COMMD10: variants seen among roughly 807,000 people sequenced by gnomAD.
COMMD10 encodes the protein COMM domain-containing protein 10.
In COMMD10, 33 loss-of-function variants were observed where a neutral mutation model predicts 28.9. The ratio of observed to expected loss-of-function variants is 1.14; its 90% CI spans 0.87 to 1.53. The LOEUF (loss-of-function observed/expected upper bound fraction) is 1.53. COMMD10 is among the 40% of genes most tolerant of loss of function. The pLI is 0.00. For synonymous variants in COMMD10, 110 were observed against 81.7 expected, an observed-to-expected ratio of 1.35 and a Z score of -1.87; for missense variants, 310 against 233.4, an observed-to-expected ratio of 1.33 and a Z score of -2.14.
intron 5 of COMMD10, among the ~76,000 whole-genome samples, chr5:116,191,491 G>A (rs1447448931): frequency 1.3e-5 from 2 of 151,914 alleles, no homozygotes; most frequent in African/African-American, 2.4e-5. Flanking sequence ...GTTTGCATAA[G>A]AGCTGGGTGA....
At chr5:116,201,403 T>A (rs1001946870) in intron 5 of COMMD10, among the ~76,000 whole-genome samples, 87 of 152,270 alleles carry the variant, frequency 5.7e-4, no homozygotes, top group African/African-American at 1.9e-3. Context: ...TTTTTCAGTT[T>A]TTACAGTTGT....
intron 4 of COMMD10, among the ~76,000 whole-genome samples, chr5:116,111,575 T>G (rs1461319392): frequency 1.3e-5 from 2 of 152,194 alleles, no homozygotes; most frequent in Non-Finnish European, 2.9e-5. Flanking sequence ...TTGTATAGTT[T>G]CCAGAGTTTT....
intron 5 of COMMD10, among the ~76,000 whole-genome samples, chr5:116,238,709 T>A (rs912961367): frequency 6.6e-6 from 1 of 152,180 alleles, no homozygotes; most frequent in Admixed American, 6.6e-5. Context: ...GGCAACAAGA[T>A]GAAAATCTCC....
At chr5:116,197,624 C>G (rs1411350278) in intron 5 of COMMD10, among the ~76,000 whole-genome samples, 1 of 152,086 alleles carries the variant, frequency 6.6e-6, no homozygotes, top group Non-Finnish European at 1.5e-5. Flanking sequence ...ACAAGTGATC[C>G]ATCCCCCTCG....
rs188489229 is a variant in COMMD10, at chr5:116,222,814, C to T, written c.511-68703C>T. On this transcript the variant is annotated intron_variant, in intron 5 of 6. Transcript: ENST00000274458. ...TTAAGCGATTCTCCTGCCTCAGCCT[C>T]CCAAGTAGCTGGGACTACAGTTACA... 8.1e-3 allele frequency among the ~76,000 whole-genome samples: 1,233 copies of T among 152,222 alleles called. 22 individuals are homozygous for T. The highest frequency in any genetic ancestry group is 0.028 in the African/African-American group (1,157 of 41,528).
chr5:116,193,282 CAA>C (rs779714829), intron 5 of COMMD10, among the ~76,000 whole-genome samples: 206 of 152,244 alleles, frequency 1.4e-3, no homozygotes, highest in Non-Finnish European at 2.2e-3. Flanking sequence ...ACGCAGGCAA[CAA>C]AGAGCCGGAT....
chr5:116,217,477 C>T (rs1402118246), intron 5 of COMMD10, among the ~76,000 whole-genome samples: 3 of 152,148 alleles, frequency 2.0e-5, no homozygotes, highest in African/African-American at 2.4e-5. Context: ...CCCTGACTAT[C>T]AGGAAGTGAA....
At chr5:116,090,377 A>C (rs899352857) in intron 2 of COMMD10, among the ~76,000 whole-genome samples, 1 of 152,212 alleles carries the variant, frequency 6.6e-6, no homozygotes, top group Non-Finnish European at 1.5e-5. Flanking sequence ...CCAGCGTGCC[A>C]GCGGTTTGCA....
intron 5 of COMMD10, among the ~76,000 whole-genome samples, chr5:116,235,955 C>T (rs959658502): frequency 6.6e-6 from 1 of 152,148 alleles, no homozygotes; most frequent in African/African-American, 2.4e-5. Context: ...CTATAGCATA[C>T]ATACATTATT....
chr5:116,088,267 A>T (rs1750176216), intron 2 of COMMD10, among the ~76,000 whole-genome samples: 2 of 152,226 alleles, frequency 1.3e-5, no homozygotes, highest in South Asian at 4.1e-4. Flanking sequence ...GCCAAGAGCC[A>T]GCCTCAAAAC....
At chr5:116,128,338 C>G (rs548513806) in intron 4 of COMMD10, among the ~76,000 whole-genome samples, 43 of 152,012 alleles carry the variant, frequency 2.8e-4, no homozygotes, top group African/African-American at 1.0e-3. Flanking sequence ...GGTTGAAAAC[C>G]ATTATAAATA....
intron 5 of COMMD10, among the ~76,000 whole-genome samples, chr5:116,170,800 T>C (rs113850612): frequency 0.054 from 8,278 of 152,240 alleles, 321 homozygotes; most frequent in African/African-American, 0.11. Flanking sequence ...AAACTGAAAC[T>C]GGACCCCTTC....
intron 5 of COMMD10, among the ~76,000 whole-genome samples, chr5:116,167,040 A>T (rs1360385725): frequency 3.3e-5 from 5 of 152,084 alleles, no homozygotes; most frequent in Admixed American, 3.3e-4. Context: ...AATGGGTTAT[A>T]ACAAACTTCT....
At chr5:116,237,533 A>G (rs1233921676) in intron 5 of COMMD10, among the ~76,000 whole-genome samples, 4 of 152,122 alleles carry the variant, frequency 2.6e-5, no homozygotes, top group African/African-American at 9.7e-5. Context: ...AAAATTGCCA[A>G]GCGCAATGGC....
chr5:116,177,131 T>C (rs938139626), intron 5 of COMMD10, among the ~76,000 whole-genome samples: 2 of 152,024 alleles, frequency 1.3e-5, no homozygotes, highest in African/African-American at 2.4e-5. Context: ...GATCACGTAC[T>C]ATTGTGTTGG....
intron 5 of COMMD10, among the ~76,000 whole-genome samples, chr5:116,264,535 G>A (rs1366187938): frequency 6.6e-6 from 1 of 151,688 alleles, no homozygotes; most frequent in Non-Finnish European, 1.5e-5. Context: ...TGGATGATGC[G>A]AGCGCATTAA....
Position 116,085,138 on chromosome 5 carries a change from C to G in COMMD10, c.41+45C>G, listed in dbSNP as rs754581352. ...CTTGCGGTAGCCGCGCCCAGGAAGGCCCAGATCGGGCTCGCACAAGGCTGT... is the reference window on the plus strand; with the variant it reads ...CTTGCGGTAGCCGCGCCCAGGAAGGGCCAGATCGGGCTCGCACAAGGCTGT... On this transcript the variant is annotated intron_variant, in intron 1 of 6. Transcript: ENST00000274458. 7 of 1,587,496 alleles carry G rather than the reference C, an allele frequency of 4.4e-6. No homozygotes were observed. The Admixed American group carries it at 5.3e-5, about 12-fold the overall frequency.
rs150473452 is a variant in COMMD10 at position 116,128,969 on chromosome 5, C to A, written c.400-5099C>A. Among the ~76,000 whole-genome samples the A allele has an allele frequency of 1.6e-3, 240 of 151,852 alleles. 2 individuals are homozygous for A. The highest frequency in any genetic ancestry group is 5.4e-3 in the African/African-American group (223 of 41,444). ...ACTTTTTGATAATGTTAATTTTGAT[C>A]CCTTGGGTAAGGTGAGGTTCTCCAC... On this transcript the variant is annotated intron_variant, in intron 4 of 6. Transcript: ENST00000274458.
At chr5:116,273,440 G>A (rs1411294514) in intron 5 of COMMD10, among the ~76,000 whole-genome samples, 1 of 151,676 alleles carries the variant, frequency 6.6e-6, no homozygotes, top group Admixed American at 6.6e-5. Flanking sequence ...CGAAAGCTTT[G>A]TATATGTTCC....
Sources: gnomAD v4.1 joint callset for allele counts (sites outside exome capture counted in the v4.1 genomes callset) on GRCh38, gnomAD v4.1.1 for gene constraint, MANE v1.5 for transcripts, NCBI Gene and HGNC (gene_info 2026-07-23, HGNC 2026-07-21) for gene names.